SAMD12: variants seen among roughly 807,000 people sequenced by gnomAD.
SAMD12 encodes the protein sterile alpha motif domain containing 12.
A neutral mutation model predicts 15.0 loss-of-function variants in SAMD12; 9 were observed. The observed-to-expected ratio is 0.60, with a 90% confidence interval of 0.36 to 1.05. The LOEUF is 1.05. SAMD12 is among the 50% of genes least tolerant of loss of function. The pLI, the probability that SAMD12 is intolerant of heterozygous loss-of-function variation, is 0.01. For missense variants in SAMD12, 230 were observed against 234.2 expected, an observed-to-expected ratio of 0.98 and a Z score of 0.12; for synonymous variants, 86 against 90.1, an observed-to-expected ratio of 0.96 and a Z score of 0.25.
chr8:118,427,798 G>C (rs1413347361), intron 3 of SAMD12, among the ~76,000 whole-genome samples: 1 of 152,158 alleles, frequency 6.6e-6, no homozygotes, highest in Non-Finnish European at 1.5e-5. Flanking sequence ...ATACCTTGGA[G>C]TGGAACTGCA....
chr8:118,598,854 C>A (rs1827787424), intron 1 of SAMD12, among the ~76,000 whole-genome samples: 2 of 152,198 alleles, frequency 1.3e-5, no homozygotes, highest in Admixed American at 1.3e-4. Flanking sequence ...ACCTGGCCAA[C>A]CATGAGCAAT....
At chr8:118,368,398 A>T (rs924356572) in intron 4 of SAMD12, among the ~76,000 whole-genome samples, 3 of 152,200 alleles carry the variant, frequency 2.0e-5, no homozygotes, top group Admixed American at 6.6e-5. Context: ...GCTCATGGTC[A>T]TAGAAGAAGG....
At chr8:118,477,817 T>A (rs530519835) in intron 2 of SAMD12, among the ~76,000 whole-genome samples, 1 of 151,812 alleles carries the variant, frequency 6.6e-6, no homozygotes, top group Non-Finnish European at 1.5e-5. Context: ...ATCGAGACCA[T>A]CCTGGCTAAC....
At chr8:118,533,514 T>C (rs1288952926) in intron 2 of SAMD12, among the ~76,000 whole-genome samples, 1 of 152,202 alleles carries the variant, frequency 6.6e-6, no homozygotes, top group Non-Finnish European at 1.5e-5. Context: ...TCTGTCTCGT[T>C]GATCTGTCTA....
chr8:118,455,214 G>A (rs894332644), intron 2 of SAMD12, among the ~76,000 whole-genome samples: 1 of 150,722 alleles, frequency 6.6e-6, no homozygotes, highest in East Asian at 2.0e-4. Context: ...GGTAGCCTCT[G>A]ACACAATGGA....
intron 4 of SAMD12, among the ~76,000 whole-genome samples, chr8:118,310,707 G>T (rs1815584468): frequency 6.6e-6 from 1 of 152,186 alleles, no homozygotes; most frequent in South Asian, 2.1e-4. Context: ...CAGACGGGTG[G>T]TCTTGTTCAG....
downstream of SAMD12, among the ~76,000 whole-genome samples, chr8:118,186,577 C>G (rs1819246861): frequency 6.8e-6 from 1 of 147,444 alleles, no homozygotes; most frequent in South Asian, 2.1e-4. Flanking sequence ...TTTGAGTCAT[C>G]AATTTCACAG....
At chr8:118,578,981 T>A (rs1355329438) in intron 2 of SAMD12, among the ~76,000 whole-genome samples, 1 of 152,154 alleles carries the variant, frequency 6.6e-6, no homozygotes, top group East Asian at 1.9e-4. Context: ...ACATCCACAC[T>A]CATTGAAGTA....
chr8:118,252,535 C>T (rs186447473), intron 4 of SAMD12, among the ~76,000 whole-genome samples: 63 of 152,302 alleles, frequency 4.1e-4, no homozygotes, highest in African/African-American at 1.5e-3. Flanking sequence ...TTCAGCACTT[C>T]CTGATAGCTG....
At chr8:118,322,885 T>TA (rs1352935343) in intron 4 of SAMD12, among the ~76,000 whole-genome samples, 2 of 151,924 alleles carry the variant, frequency 1.3e-5, no homozygotes, top group African/African-American at 2.4e-5. Flanking sequence ...AAAAAAAATT[T>TA]AAAAATATTT....
At chr8:118,430,922 C>A (rs947024086) in intron 3 of SAMD12, among the ~76,000 whole-genome samples, 1 of 151,964 alleles carries the variant, frequency 6.6e-6, no homozygotes, top group Non-Finnish European at 1.5e-5. Flanking sequence ...TTAAAATTTA[C>A]CATCTTTATA....
downstream of SAMD12, among the ~76,000 whole-genome samples, chr8:118,373,751 C>T (rs1474536494): frequency 6.6e-6 from 1 of 152,144 alleles, no homozygotes; most frequent in Non-Finnish European, 1.5e-5. Context: ...ATCTGCCTTA[C>T]TTGCCACTGT....
chr8:118,286,324 AAAAG>A (rs889012530), intron 4 of SAMD12, among the ~76,000 whole-genome samples: 28 of 152,250 alleles, frequency 1.8e-4, no homozygotes, highest in African/African-American at 6.0e-4. Context: ...AATTAAAAAA[AAAAG>A]AAAGCAAGCT....
At position 118,612,843 on chromosome 8, in the gene SAMD12, A is replaced by C. The variant is rs562889355; in HGVS notation, c.13+8961T>G. Among the ~76,000 whole-genome samples, 206 of 152,372 alleles carry C rather than the reference A, an allele frequency of 1.4e-3. 3 individuals carry two copies. The highest frequency in any genetic ancestry group is 4.0e-3 in the African/African-American group (167 of 41,592). Reference sequence around the variant, plus strand: ...TCAATTAGTGAATAAACTGCTGTATAGATATTCCATGGAATATTAGTGAGC... The same window carrying C: ...TCAATTAGTGAATAAACTGCTGTATCGATATTCCATGGAATATTAGTGAGC... On this transcript the variant is annotated intron_variant, in intron 1 of 3. Transcript: ENST00000314727.
intron 3 of SAMD12, among the ~76,000 whole-genome samples, chr8:118,414,662 G>A (rs1821593084): frequency 6.6e-6 from 1 of 152,148 alleles, no homozygotes; most frequent in South Asian, 2.1e-4. Flanking sequence ...CTGAAGCCTA[G>A]TAAAGGATGG....
At chr8:118,548,577 C>G (rs540568066) in intron 2 of SAMD12, among the ~76,000 whole-genome samples, 1 of 152,356 alleles carries the variant, frequency 6.6e-6, no homozygotes, top group Non-Finnish European at 1.5e-5. Flanking sequence ...CAGCTCCAGT[C>G]TACAGCTCCC....
intron 2 of SAMD12, among the ~76,000 whole-genome samples, chr8:118,482,188 G>A (rs1399204587): frequency 2.0e-5 from 3 of 152,154 alleles, no homozygotes; most frequent in Non-Finnish European, 4.4e-5. Context: ...TTAAATACAT[G>A]AAATGAGCAC....
chr8:118,462,294 T>G (rs1488510891), intron 2 of SAMD12, among the ~76,000 whole-genome samples: 1 of 152,246 alleles, frequency 6.6e-6, no homozygotes, highest in Non-Finnish European at 1.5e-5. Context: ...ATATGGTTAT[T>G]CTGTTAAGCT....
chr8:118,240,179 G>A (rs564700861), intron 4 of SAMD12, among the ~76,000 whole-genome samples: 10 of 152,156 alleles, frequency 6.6e-5, no homozygotes, highest in Admixed American at 5.2e-4. Flanking sequence ...CAACAGCCAC[G>A]TGAGTGATGT....
Sources: allele counts gnomAD v4.1 joint callset (sites outside exome capture counted in the v4.1 genomes callset), GRCh38; gene constraint gnomAD v4.1.1; transcripts MANE v1.5; gene names NCBI Gene and HGNC (gene_info 2026-07-23, HGNC 2026-07-21).